Variants in MPPED2 observed in about 807,000 individuals in gnomAD.
MPPED2 encodes the protein metallophosphoesterase MPPED2.
Under a neutral mutation model 33.0 loss-of-function variants are expected in MPPED2, and 5 were observed. The observed-to-expected ratio is 0.15, with a 90% CI of 0.08 to 0.32. The LOEUF (loss-of-function observed/expected upper bound fraction) is 0.32. Ranked by LOEUF, MPPED2 falls within the 10% of genes least tolerant of loss-of-function variation. MPPED2 has a pLI of 1.00. For missense variants in MPPED2, 275 were observed against 372.1 expected (o/e 0.74, Z 2.15); for synonymous variants, 136 against 141.9 (o/e 0.96, Z 0.29).
chr11:30,567,240 C>T (rs1422588165), intron 2 of MPPED2, among the ~76,000 whole-genome samples: 2 of 152,020 alleles, frequency 1.3e-5, no homozygotes, highest in Admixed American at 1.3e-4. Flanking sequence ...CCAAATTGGC[C>T]ATAAAAACCT....
chr11:30,458,872 G>A (rs1205490590), intron 4 of MPPED2, among the ~76,000 whole-genome samples: 1 of 145,570 alleles, frequency 6.9e-6, no homozygotes, highest in Non-Finnish European at 1.5e-5. Flanking sequence ...GACATCTAGA[G>A]ACTAGACTAC....
intron 4 of MPPED2, among the ~76,000 whole-genome samples, chr11:30,459,562 C>T (rs758030546): frequency 6.6e-5 from 10 of 152,206 alleles, no homozygotes; most frequent in Non-Finnish European, 1.5e-4. Flanking sequence ...CTTGAGGTCA[C>T]ATGATAAGGG....
chr11:30,487,581 A>G (rs1036501714), intron 4 of MPPED2, among the ~76,000 whole-genome samples: 4 of 152,048 alleles, frequency 2.6e-5, no homozygotes, highest in Admixed American at 1.3e-4. Context: ...TCCCAGACTC[A>G]GCAATCCTCC....
chr11:30,433,610 G>T (rs573916858), intron 4 of MPPED2, among the ~76,000 whole-genome samples: 1 of 152,196 alleles, frequency 6.6e-6, no homozygotes, highest in African/African-American at 2.4e-5. Flanking sequence ...TTATCCAAAG[G>T]GCAGGTCCAC....
intron 2 of MPPED2, among the ~76,000 whole-genome samples, chr11:30,574,711 A>G (rs1956846350): frequency 6.6e-6 from 1 of 152,206 alleles, no homozygotes; most frequent in Admixed American, 6.5e-5. Context: ...TCAGATCAAG[A>G]CTTTAAAGCA....
intron 4 of MPPED2, among the ~76,000 whole-genome samples, chr11:30,440,190 C>T (rs1294120440): frequency 2.0e-5 from 3 of 151,982 alleles, no homozygotes; most frequent in East Asian, 1.9e-4. Flanking sequence ...ACTAGCCGGG[C>T]GTGGTGGCAG....
downstream of MPPED2, chr11:30,384,414 T>G (rs1052522202): frequency 6.6e-6 from 1 of 152,170 alleles, no homozygotes; most frequent in Non-Finnish European, 1.5e-5. Flanking sequence ...AGGAGGATTT[T>G]TTTTAATTGC....
intron 6 of MPPED2, among the ~76,000 whole-genome samples, chr11:30,393,710 T>C (rs1383644130): frequency 6.6e-6 from 1 of 152,142 alleles, no homozygotes; most frequent in Non-Finnish European, 1.5e-5. Flanking sequence ...ACTCCCAGAG[T>C]TCTGGGGTGT....
chr11:30,546,645 A>ATGG (rs1345832737), intron 2 of MPPED2, among the ~76,000 whole-genome samples: 10 of 152,166 alleles, frequency 6.6e-5, no homozygotes, highest in Admixed American at 6.5e-4. Flanking sequence ...TTGGCTTTTA[A>ATGG]TGGTCTGTAT....
chr11:30,445,285 AAAGGGCT>A (rs1355546676), intron 4 of MPPED2, among the ~76,000 whole-genome samples: 33 of 152,206 alleles, frequency 2.2e-4, no homozygotes, highest in African/African-American at 8.0e-4. Flanking sequence ...AACAAGGCTC[AAAGGGCT>A]AACATGATTT....
chr11:30,470,012 C>T (rs1194495362), intron 4 of MPPED2, among the ~76,000 whole-genome samples: 1 of 152,184 alleles, frequency 6.6e-6, no homozygotes, highest in Non-Finnish European at 1.5e-5. Flanking sequence ...TTTGCTGCAA[C>T]TTCAACTTGT....
chr11:30,442,387 G>C (rs1480065859), intron 4 of MPPED2, among the ~76,000 whole-genome samples: 1 of 152,192 alleles, frequency 6.6e-6, no homozygotes, highest in East Asian at 1.9e-4. Context: ...TTTGCTGATT[G>C]CCCACTATGT....
At chr11:30,453,951 G>T (rs1707800360) in intron 4 of MPPED2, among the ~76,000 whole-genome samples, 1 of 152,184 alleles carries the variant, frequency 6.6e-6, no homozygotes, top group Admixed American at 6.5e-5. Context: ...AGGTGTGGCT[G>T]TGATATACAA....
chr11:30,410,235 T>C lies in MPPED2; in HGVS notation c.*1233A>G. ...CTAAACAGCACGAATTTAAAAATCTTGCAATTTTATTTGCATATAAAGGCC... is the reference window on the plus strand; with the variant it reads ...CTAAACAGCACGAATTTAAAAATCTCGCAATTTTATTTGCATATAAAGGCC... On this transcript the variant is annotated 3_prime_UTR_variant, in exon 7 of 7. Coordinates refer to ENST00000358117, the MANE Select transcript of MPPED2 (RefSeq NM_001584.3). The C allele has an allele frequency of 1.0e-6, 1 of 985,844 alleles. No individual in the cohort carries two copies. The highest frequency in any genetic ancestry group is 1.2e-6 in the Non-Finnish European group (1 of 829,932). 61.1% of individuals were successfully genotyped at this position (985,844 alleles called of 1,614,324 possible).
At chr11:30,432,124 G>A (rs1273610942) in intron 4 of MPPED2, among the ~76,000 whole-genome samples, 2 of 151,330 alleles carry the variant, frequency 1.3e-5, no homozygotes, top group East Asian at 1.9e-4. Context: ...AGCCGAGATC[G>A]CGCCACTGCC....
intron 4 of MPPED2, among the ~76,000 whole-genome samples, chr11:30,426,967 G>A (rs1302055004): frequency 6.6e-6 from 1 of 152,150 alleles, no homozygotes; most frequent in South Asian, 2.1e-4. Flanking sequence ...AGCCTGCAAG[G>A]GTGGCGTGTG....
chr11:30,457,945 T>C (rs1950350448), intron 4 of MPPED2, among the ~76,000 whole-genome samples: 1 of 152,340 alleles, frequency 6.6e-6, no homozygotes, highest in East Asian at 1.9e-4. Flanking sequence ...GAGCAACCTC[T>C]GCTGCTGCCG....
At chr11:30,487,530 T>C (rs967804215) in intron 4 of MPPED2, among the ~76,000 whole-genome samples, 1 of 152,302 alleles carries the variant, frequency 6.6e-6, no homozygotes, top group East Asian at 1.9e-4. Flanking sequence ...TCACCCAGGC[T>C]GAGTGCAGGG....
At chr11:30,485,471 A>ATTTACACATGTTACAC in intron 4 of MPPED2, among the ~76,000 whole-genome samples, 11 of 151,762 alleles carry the variant, frequency 7.2e-5, no homozygotes, top group Non-Finnish European at 1.0e-4. Flanking sequence ...CATGTGTAAC[A>ATTTACACATGTTACAC]AGGTAAATAA....
Sources: gnomAD v4.1 joint callset for allele counts (sites outside exome capture counted in the v4.1 genomes callset) on GRCh38, gnomAD v4.1.1 for gene constraint, MANE v1.5 for transcripts, NCBI Gene and HGNC (gene_info 2026-07-23, HGNC 2026-07-21) for gene names.